KIF1A: variants seen among roughly 807,000 people sequenced by gnomAD.
The protein encoded by KIF1A is kinesin family member 1A.
A neutral mutation model predicts 227.3 loss-of-function variants in KIF1A; 46 were observed. The ratio of observed to expected loss-of-function variants is 0.20; its 90% CI spans 0.16 to 0.26. KIF1A has a LOEUF of 0.26. Ranked by LOEUF, KIF1A falls within the 10% of genes least tolerant of loss-of-function variation. KIF1A has a pLI of 1.00. For synonymous variants in KIF1A, 1,022 were observed against 1,012.8 expected, an observed-to-expected ratio of 1.01 and a Z score of -0.17; for missense variants, 1,683 against 2,485.9, an observed-to-expected ratio of 0.68 and a Z score of 6.87.
At chr2:240,721,752 G>T in intron 44 of KIF1A, 55 bp downstream of exon 44, 1 of 1,411,022 alleles carries the variant, frequency 7.1e-7, no homozygotes, top group Non-Finnish European at 9.8e-7. Context: ...AGGGACCACT[G>T]CCTATGGGAG....
rs370913170 is a variant in KIF1A at position 240,741,337 on chromosome 2, C to T, written c.3681G>A (p.Pro1227=). ...GGTCGTACTTGCAGTGGCAGGGTCC[C>T]GGACAGGGCCGCGTCAGTGTGCTGA... ...TKLSTLTRPC[P]GPCHCKYDLL... is the part of the protein sequence containing the mutation. Residue 1227 remains proline (P), a synonymous_variant, in exon 35 of 49, where the codon CCG becomes CCA. Coordinates refer to ENST00000498729, the MANE Select transcript of KIF1A (RefSeq NM_001244008.2). The T allele has an allele frequency of 5.8e-4, 932 of 1,593,740 alleles. 4 individuals are homozygous for T. The highest frequency in any genetic ancestry group is 3.1e-3 in the South Asian group (278 of 88,510).
At chr2:240,753,284 G>C (rs116099566) in intron 27 of KIF1A, among the ~76,000 whole-genome samples, 1 of 152,230 alleles carries the variant, frequency 6.6e-6, no homozygotes, top group Admixed American at 6.5e-5. Flanking sequence ...AGTGCATAGA[G>C]AGGTAAACTG....
intron 4 of KIF1A, among the ~76,000 whole-genome samples, chr2:240,787,544 C>T (rs1323987807): frequency 6.6e-6 from 1 of 152,186 alleles, no homozygotes; most frequent in African/African-American, 2.4e-5. Context: ...TCATCTGCCC[C>T]TCCCCCTGGC....
Position 240,757,579 on chromosome 2 carries a change from G to C in KIF1A, c.2598C>G (p.Gly866=). 6.4e-7 allele frequency: 1 copy of C among 1,550,476 alleles called. No individual in the cohort carries two copies. The highest frequency in any genetic ancestry group is 8.7e-7 in the Non-Finnish European group (1 of 1,146,954). ...TGTTGAGAAGAGGGTAGCTGTTGCA[G>C]CCAGAGATGGCTGAACTGAGGTTAG... The part of the protein sequence containing the change: ...FRLVGSSAIS[G]CNSYPLLNTC... Residue 866 remains glycine, a synonymous_variant, in exon 27 of 49, where the codon GGC becomes GGG. Coordinates refer to ENST00000498729, the MANE Select transcript of KIF1A (RefSeq NM_001244008.2). This position sits in a 1 kb window ranked among gnomAD's most constrained non-coding sequence, Gnocchi z 6.2.
At chr2:240,781,948 A>G in intron 10 of KIF1A, 1 of 985,274 alleles carries the variant, frequency 1.0e-6, no homozygotes, top group Non-Finnish European at 1.2e-6. Context: ...CTGTCCCCAC[A>G]CAGCCACCGC....
At chr2:240,781,464 CACA>C in intron 10 of KIF1A, among the ~76,000 whole-genome samples, 1 of 23,606 alleles carries the variant, frequency 4.2e-5, no homozygotes, top group East Asian at 1.1e-3. Context: ...CACACAGCTC[CACA>C]CACACACACA....
intron 44 of KIF1A, among the ~76,000 whole-genome samples, chr2:240,721,510 G>C (rs1188350340): frequency 1.3e-5 from 2 of 152,140 alleles, no homozygotes. Context: ...AGAGGCCACA[G>C]GGTGATGGCC....
chr2:240,718,152 G>A lies in KIF1A; in HGVS notation c.5231C>T (p.Ala1744Val), dbSNP rs1234122019. Residue 1744 changes from alanine (A) to valine (V), a missense_variant, in exon 48 of 49, where the codon GCG becomes GTG. This residue lies in a region of KIF1A where 384 missense variants were observed against 410.1 expected (regional missense o/e 0.94). Coordinates refer to ENST00000498729, the MANE Select transcript of KIF1A (RefSeq NM_001244008.2). ...GATGCCGCGGTGTTCCGTGCACACC[G>A]CGAATGTGTTGGGTGTCTGCAGAGG... is the stretch of plus-strand genomic sequence containing the variant. ...QAMLKTPNTF[A>V]VCTEHRGILL... 3.1e-6 allele frequency: 5 copies of A among 1,605,506 alleles called. No individual in the cohort carries two copies. Among genetic ancestry groups the A allele is most frequent in the Non-Finnish European group, 4.2e-6 (5 of 1,176,474 alleles).
At chr2:240,814,337 T>G (rs1300805699) in intron 1 of KIF1A, among the ~76,000 whole-genome samples, 1 of 152,080 alleles carries the variant, frequency 6.6e-6, no homozygotes, top group African/African-American at 2.4e-5. Context: ...AGTGACCTGA[T>G]GCAGAAAGCC....
intron 24 of KIF1A, 54 bp from the exon 25 acceptor site, chr2:240,760,897 G>A (rs2050435258): frequency 6.6e-7 from 1 of 1,524,500 alleles, no homozygotes; most frequent in South Asian, 1.2e-5. Flanking sequence ...AGGGTGCCAG[G>A]TCCCCAAAAA....
At chr2:240,813,039 A>AC (rs1283704719) in intron 1 of KIF1A, among the ~76,000 whole-genome samples, 1 of 98,660 alleles carries the variant, frequency 1.0e-5, no homozygotes, top group African/African-American at 3.6e-5. Context: ...TCAAGGATCC[A>AC]CTTGCTCCCA....
intron 28 of KIF1A, among the ~76,000 whole-genome samples, 152 bp downstream of exon 28, chr2:240,750,277 C>T (rs1381288217): frequency 6.6e-6 from 1 of 152,222 alleles, no homozygotes; most frequent in Non-Finnish European, 1.5e-5. Context: ...TCAGGTTGAC[C>T]CCAGGGAGAG....
chr2:240,786,517 C>T lies in KIF1A; in HGVS notation c.430-4G>A, dbSNP rs2054765169. 6.2e-7 allele frequency: 1 copy of T among 1,612,450 alleles called. No homozygotes were observed. The highest frequency in any genetic ancestry group is 1.3e-5 in the African/African-American group (1 of 75,030). Reference sequence around the variant, plus strand: ...AGTAAATCTCCATGTAGCTGACCTGCAGGGCAGAGCCAGGCCATCAGGGGC... The same window carrying T: ...AGTAAATCTCCATGTAGCTGACCTGTAGGGCAGAGCCAGGCCATCAGGGGC... On this transcript the variant is annotated splice_region_variant and splice_polypyrimidine_tract_variant and intron_variant, in intron 5 of 48. Coordinates refer to ENST00000498729, the MANE Select transcript of KIF1A (RefSeq NM_001244008.2).
chr2:240,758,234 G>C lies in KIF1A; in HGVS notation c.2582+126C>G. 1 of 1,075,852 alleles carries C rather than the reference G, an allele frequency of 9.3e-7. No homozygotes were observed. The highest frequency in any genetic ancestry group is 1.3e-6 in the Non-Finnish European group (1 of 770,040). The allele number at this position is 1,075,852 out of a possible 1,614,324, so 66.6% of individuals were successfully genotyped here. A position where few individuals can be genotyped will look rare whatever the true frequency, so the allele number is the denominator to read the frequency against. ...CTCAGGCCAGGGAGGACAGGGCTGG[G>C]AATATGGGGCTGGAAAAGCACTTGT... is the stretch of plus-strand genomic sequence containing the variant. On this transcript the variant is annotated intron_variant, in intron 26 of 48. Coordinates refer to ENST00000498729, the MANE Select transcript of KIF1A (RefSeq NM_001244008.2). This position sits in a 1 kb window ranked among gnomAD's most constrained non-coding sequence, Gnocchi z 5.2.
chr2:240,743,125 T>C, intron 33 of KIF1A, 141 bp from the exon 34 acceptor site: 1 of 649,940 alleles, frequency 1.5e-6, no homozygotes, highest in Non-Finnish European at 2.5e-6. Context: ...CCAGCTTGGG[T>C]GGGAGGAAGA....
chr2:240,756,615 G>T (rs746180885), intron 27 of KIF1A, among the ~76,000 whole-genome samples: 5 of 152,268 alleles, frequency 3.3e-5, no homozygotes, highest in Non-Finnish European at 7.3e-5. Flanking sequence ...AACCGAGGAG[G>T]TCAGGAGGGA....
chr2:240,775,585 G>A lies in KIF1A; in HGVS notation c.958+266C>T, dbSNP rs1183575530. ...TGGGTGTCACAGCCCACCTGACCCA[G>A]GACCACTGACACAGGCAGGTGTGTG... On this transcript the variant is annotated intron_variant, in intron 11 of 48. Transcript: ENST00000498729. The surrounding 1 kb of genome is among the most constrained non-coding windows in gnomAD (Gnocchi z 5.5). Among the ~76,000 whole-genome samples, 1 of 152,230 alleles carries A rather than the reference G, an allele frequency of 6.6e-6. No homozygotes were observed. The highest frequency in any genetic ancestry group is 1.5e-5 in the Non-Finnish European group (1 of 68,040).
chr2:240,808,742 T>C (rs2057634877), intron 1 of KIF1A, among the ~76,000 whole-genome samples: 1 of 152,162 alleles, frequency 6.6e-6, no homozygotes, highest in African/African-American at 2.4e-5. Flanking sequence ...CTAACTTTTT[T>C]TTTTTGAGAT....
At position 240,766,749 on chromosome 2, in the gene KIF1A, T is replaced by TCACACACA. The variant is rs55815321; in HGVS notation, c.1684+158_1684+165dup. Among the ~76,000 whole-genome samples, 69 of 109,022 alleles carry TCACACACA rather than the reference T, an allele frequency of 6.3e-4. No individual in the cohort carries two copies. The highest frequency in any genetic ancestry group is 2.4e-3 in the Admixed American group (26 of 10,910). 71.5% of individuals were successfully genotyped at this position (109,022 alleles called of 152,430 possible). ...CTCTCTCTCTCTCTCTCTCTCTCTC[T>TCACACACA]CACACACACACACACACACACACAC... On this transcript the variant is annotated intron_variant, in intron 19 of 48. Coordinates refer to ENST00000498729, the MANE Select transcript of KIF1A (RefSeq NM_001244008.2). This position sits in a 1 kb window ranked among gnomAD's most constrained non-coding sequence, Gnocchi z 5.0.
Sources: allele counts gnomAD v4.1 joint callset (sites outside exome capture counted in the v4.1 genomes callset), GRCh38; gene constraint gnomAD v4.1.1; regional missense constraint gnomAD v4.1.1; non-coding constraint Gnocchi (gnomAD v3.1); transcripts MANE v1.5; gene names NCBI Gene and HGNC (gene_info 2026-07-23, HGNC 2026-07-21).